Variants in HEMK2 observed in about 807,000 individuals in gnomAD.
The protein encoded by HEMK2 is HemK methyltransferase 2, ETF1 glutamine and histone H4 lysine.
At chr21:28,687,642 T>C in the HEMK2 span, among the ~76,000 whole-genome samples, 3 of 152,174 alleles carry the variant, frequency 2.0e-5, no homozygotes, top group Non-Finnish European at 2.9e-5. Flanking sequence ...AAATGATATA[T>C]AAAGATACTA....
At chr21:28,685,355 G>GTA in the HEMK2 span, among the ~76,000 whole-genome samples, 1 of 151,974 alleles carries the variant, frequency 6.6e-6, no homozygotes, top group African/African-American at 2.4e-5. Flanking sequence ...CCAAAAGCCA[G>GTA]TATACCAGAA....
the HEMK2 span, among the ~76,000 whole-genome samples, chr21:28,688,051 T>C: frequency 2.0e-5 from 3 of 152,340 alleles, no homozygotes; most frequent in Admixed American, 6.5e-5. Context: ...GATTTGTTGA[T>C]GGATATGGTG....
At chr21:28,694,032 C>T in the HEMK2 span, among the ~76,000 whole-genome samples, 1 of 152,086 alleles carries the variant, frequency 6.6e-6, no homozygotes, top group East Asian at 1.9e-4. Flanking sequence ...TAAATGATTA[C>T]CAAATATATC....
the HEMK2 span, among the ~76,000 whole-genome samples, chr21:28,629,926 CTT>C: frequency 0.019 from 2,825 of 146,778 alleles, 84 homozygotes; most frequent in East Asian, 0.068. Flanking sequence ...TGCTCAGTTT[CTT>C]TTTTTTTTTT....
At chr21:28,662,564 T>C in the HEMK2 span, among the ~76,000 whole-genome samples, 4 of 152,292 alleles carry the variant, frequency 2.6e-5, no homozygotes, top group East Asian at 7.7e-4. Flanking sequence ...GTAGTTCCTA[T>C]AATTCTCGTG....
the HEMK2 span, among the ~76,000 whole-genome samples, chr21:28,806,159 C>G: frequency 1.3e-5 from 2 of 152,116 alleles, no homozygotes; most frequent in East Asian, 3.8e-4. Flanking sequence ...CTCCAGTGCC[C>G]CCACATGACT....
At chr21:28,599,746 G>A in the HEMK2 span, among the ~76,000 whole-genome samples, 16 of 152,082 alleles carry the variant, frequency 1.1e-4, no homozygotes, top group African/African-American at 1.9e-4. Flanking sequence ...CCTATGAGCC[G>A]GTAAAATTAA....
chr21:28,613,507 G>C, the HEMK2 span, among the ~76,000 whole-genome samples: 1 of 151,332 alleles, frequency 6.6e-6, no homozygotes, highest in South Asian at 2.1e-4. Context: ...GGAAACCATT[G>C]TATAGAGAGA....
the HEMK2 span, among the ~76,000 whole-genome samples, chr21:28,599,213 G>C: frequency 6.6e-6 from 1 of 152,340 alleles, no homozygotes; most frequent in East Asian, 1.9e-4. Flanking sequence ...TGATGGTGAA[G>C]TAGTGTTGTA....
the HEMK2 span, among the ~76,000 whole-genome samples, chr21:28,815,135 A>C: frequency 3.1e-4 from 47 of 151,420 alleles, no homozygotes; most frequent in Admixed American, 2.6e-4. Context: ...CAAGGACAAA[A>C]AACCACACAC....
chr21:28,685,784 G>A, the HEMK2 span, among the ~76,000 whole-genome samples: 1 of 152,076 alleles, frequency 6.6e-6, no homozygotes, highest in Non-Finnish European at 1.5e-5. Context: ...GTAGGGAGGG[G>A]GCAGGTATTA....
At chr21:28,585,670 G>C in the HEMK2 span, among the ~76,000 whole-genome samples, 31 of 152,256 alleles carry the variant, frequency 2.0e-4, 1 homozygote, top group African/African-American at 6.7e-4. Flanking sequence ...ATCTGAAAAA[G>C]AGTGTATGGA....
the HEMK2 span, among the ~76,000 whole-genome samples, chr21:28,598,564 G>C: frequency 6.6e-6 from 1 of 152,192 alleles, no homozygotes; most frequent in Non-Finnish European, 1.5e-5. Flanking sequence ...CCAGGATTTT[G>C]CCTCATGCAC....
At chr21:28,877,259 GGGAAGGAAGGAA>G in the HEMK2 span, among the ~76,000 whole-genome samples, 1,755 of 76,076 alleles carry the variant, frequency 0.023, 64 homozygotes, top group African/African-American at 0.072. Flanking sequence ...GGGAAGAGAA[GGGAAGGAAGGAA>G]GGAAGGAAGG....
chr21:28,720,351 T>C, the HEMK2 span, among the ~76,000 whole-genome samples: 6 of 152,208 alleles, frequency 3.9e-5, no homozygotes, highest in African/African-American at 1.4e-4. Flanking sequence ...AGAAGACAAT[T>C]ACTATGAATA....
chr21:28,652,478 G>T, the HEMK2 span, among the ~76,000 whole-genome samples: 4,265 of 141,408 alleles, frequency 0.03, 177 homozygotes, highest in African/African-American at 0.1. Flanking sequence ...CTTCTTTTCT[G>T]TCTTTCTTTC....
chr21:28,735,534 T>C, the HEMK2 span, among the ~76,000 whole-genome samples: 1 of 152,062 alleles, frequency 6.6e-6, no homozygotes, highest in Non-Finnish European at 1.5e-5. Context: ...CTACCATATA[T>C]AAAATTTGAG....
chr21:28,682,778 C>T, the HEMK2 span, among the ~76,000 whole-genome samples: 1 of 152,092 alleles, frequency 6.6e-6, no homozygotes, highest in African/African-American at 2.4e-5. Flanking sequence ...TGGAAACCAT[C>T]ATTCTCAGCA....
chr21:28,629,070 C>T, the HEMK2 span, among the ~76,000 whole-genome samples: 1 of 152,198 alleles, frequency 6.6e-6, no homozygotes, highest in East Asian at 1.9e-4. Flanking sequence ...TTTTTAAGTA[C>T]AGCCCTTCCT....
Sources: allele counts gnomAD v4.1 joint callset (sites outside exome capture counted in the v4.1 genomes callset), GRCh38; gene constraint gnomAD v4.1.1; transcripts MANE v1.5; gene names NCBI Gene and HGNC (gene_info 2026-07-23, HGNC 2026-07-21).